The following TSPAN9 variants were observed in gnomAD, a reference collection of about 807,000 sequenced individuals.
TSPAN9 encodes the protein tetraspanin-9.
TSPAN9 carries 16 observed loss-of-function variants against 31.0 expected under a neutral mutation model. The observed-to-expected ratio is 0.52, with a 90% CI of 0.35 to 0.78. The LOEUF is 0.78. Ranked by LOEUF, TSPAN9 falls within the 30% of genes least tolerant of loss-of-function variation. The pLI is 0.01. For synonymous variants in TSPAN9, 145 were observed against 121.6 expected (o/e 1.19, Z -1.27); for missense variants, 272 against 312.5 (o/e 0.87, Z 0.98).
At chr12:3,102,067 G>T (rs2098312087) in intron 2 of TSPAN9, among the ~76,000 whole-genome samples, 1 of 152,176 alleles carries the variant, frequency 6.6e-6, no homozygotes, top group Admixed American at 6.5e-5. Context: ...TAGTAGTGGT[G>T]CTGGCAGAAC....
chr12:3,160,339 A>G (rs1339457882), intron 2 of TSPAN9, among the ~76,000 whole-genome samples: 2 of 152,240 alleles, frequency 1.3e-5, no homozygotes, highest in East Asian at 3.8e-4. Flanking sequence ...TTGTTTATCC[A>G]TTCATCACTT....
intron 2 of TSPAN9, among the ~76,000 whole-genome samples, chr12:3,186,743 C>T (rs1435543302): frequency 1.3e-5 from 2 of 152,108 alleles, no homozygotes. Flanking sequence ...CCCAGGAGAC[C>T]AGACAGGGGG....
At chr12:3,149,913 G>A (rs1386808989) in intron 2 of TSPAN9, 1 of 152,240 alleles carries the variant, frequency 6.6e-6, no homozygotes, top group African/African-American at 2.4e-5. Flanking sequence ...ACAGATATTC[G>A]TAAGTGCTTT....
intron 2 of TSPAN9, among the ~76,000 whole-genome samples, chr12:3,185,856 G>A (rs2153971638): frequency 6.6e-6 from 1 of 152,322 alleles, no homozygotes; most frequent in East Asian, 1.9e-4. Context: ...TGGTGCAGAG[G>A]GGAAGCAAAG....
chr12:3,133,447 A>G (rs2098330708), intron 2 of TSPAN9, among the ~76,000 whole-genome samples: 1 of 152,124 alleles, frequency 6.6e-6, no homozygotes, highest in Non-Finnish European at 1.5e-5. Flanking sequence ...GTGAGGCCCC[A>G]TTCCTATGCC....
chr12:3,252,020 G>A (rs1305885047), intron 3 of TSPAN9, among the ~76,000 whole-genome samples: 4 of 152,274 alleles, frequency 2.6e-5, no homozygotes, highest in Non-Finnish European at 4.4e-5. Context: ...GGGTCCCTGC[G>A]TGAGTGAGGG....
intron 2 of TSPAN9, among the ~76,000 whole-genome samples, chr12:3,164,058 G>A (rs962489972): frequency 2.0e-5 from 3 of 152,178 alleles, no homozygotes; most frequent in Admixed American, 6.5e-5. Context: ...AAGCTATAGA[G>A]GTCCTTTGGG....
rs1384336490 is a variant in TSPAN9, at chr12:3,168,155, C to T, written c.-17-33022C>T. 6.6e-6 allele frequency among the ~76,000 whole-genome samples: 1 copy of T among 152,212 alleles called. No individual in the cohort carries two copies. The highest frequency in any genetic ancestry group is 2.4e-5 in the African/African-American group (1 of 41,454). ...CACCGTTCCACCGTTTAGCTCAGTG[C>T]CCTGCAAGGCAGGAGTAGCACCGGT... is the stretch of plus-strand genomic sequence containing the variant. On this transcript the variant is annotated intron_variant, in intron 2 of 8. Transcript: ENST00000011898. The surrounding 1 kb of genome is among the most constrained non-coding windows in gnomAD (Gnocchi z 4.0).
rs2153981249 is a variant in TSPAN9, at chr12:3,283,275, G to T, written c.*159G>T. ...CCCTGCCTCAGCCTCGGACTTCTCA[G>T]TGGGTGGAGTGCCAGGGAGGAGGAG... On this transcript the variant is annotated 3_prime_UTR_variant, in exon 9 of 9. Transcript: ENST00000011898. 2.9e-6 allele frequency: 2 copies of T among 698,996 alleles called. No homozygotes were observed. Among genetic ancestry groups the T allele is most frequent in the African/African-American group, 3.7e-5 (2 of 54,718 alleles). The allele number at this position is 698,996 out of a possible 1,614,324, so 43.3% of individuals were successfully genotyped here. A position where few individuals can be genotyped will look rare whatever the true frequency, so the allele number is the denominator to read the frequency against.
At chr12:3,205,773 G>A (rs1461233893) in intron 3 of TSPAN9, among the ~76,000 whole-genome samples, 1 of 152,004 alleles carries the variant, frequency 6.6e-6, no homozygotes, top group African/African-American at 2.4e-5. Context: ...TTCCTAGGGG[G>A]CTGCAACAAG....
intron 3 of TSPAN9, among the ~76,000 whole-genome samples, chr12:3,228,158 G>C (rs1197347740): frequency 6.6e-6 from 1 of 152,124 alleles, no homozygotes; most frequent in East Asian, 1.9e-4. Context: ...AGACCAGCCT[G>C]GGCAACATCA....
At chr12:3,082,772 T>C (rs1330600475) in intron 1 of TSPAN9, among the ~76,000 whole-genome samples, 1 of 152,126 alleles carries the variant, frequency 6.6e-6, no homozygotes, top group Admixed American at 6.6e-5. Context: ...TGCTGGGTGA[T>C]TGTGAAAATG....
At chr12:3,152,800 C>T (rs927212532) in intron 2 of TSPAN9, among the ~76,000 whole-genome samples, 2 of 152,194 alleles carry the variant, frequency 1.3e-5, no homozygotes, top group African/African-American at 4.8e-5. Flanking sequence ...GTTGGCCAGG[C>T]TGGTCTTGAA....
At chr12:3,153,997 GTAT>G (rs928213383) in intron 2 of TSPAN9, among the ~76,000 whole-genome samples, 5 of 108,304 alleles carry the variant, frequency 4.6e-5, no homozygotes, top group African/African-American at 1.8e-4. Context: ...TAATATATTA[GTAT>G]TATATATATA....
intron 3 of TSPAN9, among the ~76,000 whole-genome samples, chr12:3,257,317 G>A (rs1239934874): frequency 6.6e-6 from 1 of 151,982 alleles, no homozygotes; most frequent in Non-Finnish European, 1.5e-5. Flanking sequence ...TTTCAACCTG[G>A]TTTTCTCTTC....
chr12:3,088,132 A>G (rs1306922136), intron 2 of TSPAN9, among the ~76,000 whole-genome samples: 2 of 152,222 alleles, frequency 1.3e-5, no homozygotes, highest in African/African-American at 4.8e-5. Flanking sequence ...GCAGGATGAC[A>G]TGTTTTGTTT....
At chr12:3,226,737 T>A (rs2098387589) in intron 3 of TSPAN9, among the ~76,000 whole-genome samples, 1 of 11,948 alleles carries the variant, frequency 8.4e-5, no homozygotes, top group Non-Finnish European at 1.7e-4. Flanking sequence ...TGTGTGTGTG[T>A]GTGTGTGTAT....
intron 2 of TSPAN9, among the ~76,000 whole-genome samples, chr12:3,159,150 T>G (rs4766054): frequency 3.1e-4 from 47 of 151,566 alleles, no homozygotes; most frequent in Admixed American, 1.6e-3. Flanking sequence ...CTTTTCCCAT[T>G]ATTGTCTGTT....
At chr12:3,229,473 TG>T (rs1314388346) in intron 3 of TSPAN9, among the ~76,000 whole-genome samples, 2 of 152,246 alleles carry the variant, frequency 1.3e-5, no homozygotes, top group African/African-American at 4.8e-5. Context: ...GCAAATCCCA[TG>T]TATTCTCTCT....
Sources: gnomAD v4.1 joint callset for allele counts (sites outside exome capture counted in the v4.1 genomes callset) on GRCh38, gnomAD v4.1.1 for gene constraint, Gnocchi (gnomAD v3.1) non-coding constraint, MANE v1.5 for transcripts, NCBI Gene and HGNC (gene_info 2026-07-23, HGNC 2026-07-21) for gene names.